Variants in DOCK5 observed in about 807,000 individuals in gnomAD.
DOCK5 encodes the protein dedicator of cytokinesis 5.
DOCK5 carries 142 observed loss-of-function variants against 251.8 expected under a neutral mutation model. The observed-to-expected ratio is 0.56, with a 90% confidence interval of 0.49 to 0.65. The LOEUF (loss-of-function observed/expected upper bound fraction) is 0.65. Ranked by LOEUF, DOCK5 falls within the 30% of genes least tolerant of loss-of-function variation. The pLI is 0.00. For synonymous variants in DOCK5, 842 were observed against 835.5 expected (o/e 1.01, Z -0.13); for missense variants, 2,111 against 2,312.3 (o/e 0.91, Z 1.79).
chr8:25,407,053 CAATT>C (rs201779764), intron 48 of DOCK5, among the ~76,000 whole-genome samples: 2,793 of 152,198 alleles, frequency 0.018, 39 homozygotes, highest in Non-Finnish European at 0.029. Context: ...TCTTTCTAAA[CAATT>C]AACCATAAAA....
chr8:25,208,696 A>G (rs1218804544), intron 1 of DOCK5, among the ~76,000 whole-genome samples: 4 of 152,196 alleles, frequency 2.6e-5, no homozygotes. Context: ...GCACAGGGGA[A>G]CCGAAAAATT....
At chr8:25,330,139 G>A (rs951680190) in intron 18 of DOCK5, among the ~76,000 whole-genome samples, 1 of 152,224 alleles carries the variant, frequency 6.6e-6, no homozygotes, top group Non-Finnish European at 1.5e-5. Flanking sequence ...GATGGAATGA[G>A]TGATACCTTC....
chr8:25,285,623 G>A (rs1299471156), intron 5 of DOCK5, among the ~76,000 whole-genome samples: 1 of 152,134 alleles, frequency 6.6e-6, no homozygotes, highest in African/African-American at 2.4e-5. Context: ...ATACTGAATG[G>A]CCCTTTCTTC....
In DOCK5 at chr8:25,304,296, G is replaced by A. The variant is rs776762641; in HGVS notation, c.1018G>A (p.Glu340Lys). The A allele has an allele frequency of 2.5e-6, 4 of 1,610,954 alleles. No individual in the cohort carries two copies. In the Admixed American group the frequency reaches 6.7e-5, roughly 27 times the overall value. ...TDIIHGKVDD[E>K]EKQHFIPFQQ... The stretch of plus-strand genomic sequence containing the variant: ...TATCATACATGGGAAGGTGGATGAT[G>A]AAGAAAAGCAGCATTTTATTCCCTT... Residue 340 changes from glutamate to lysine, a missense_variant, in exon 11 of 52, where the codon GAA becomes AAA. Transcript: ENST00000276440.
chr8:25,252,281 G>A (rs1803292812), intron 2 of DOCK5, among the ~76,000 whole-genome samples: 1 of 152,130 alleles, frequency 6.6e-6, no homozygotes, highest in African/African-American at 2.4e-5. Context: ...ATTCAAAATT[G>A]CTGTTAAAAA....
chr8:25,305,940 T>A (rs1804910593), intron 11 of DOCK5, among the ~76,000 whole-genome samples: 1 of 152,010 alleles, frequency 6.6e-6, no homozygotes, highest in Admixed American at 6.6e-5. Context: ...ATACAAAAAA[T>A]ATGTATTATA....
At chr8:25,222,025 G>A (rs1243123926) in intron 1 of DOCK5, among the ~76,000 whole-genome samples, 1 of 152,168 alleles carries the variant, frequency 6.6e-6, no homozygotes. Flanking sequence ...CCTGCTGTCA[G>A]CCCTGCGAGT....
intron 25 of DOCK5, among the ~76,000 whole-genome samples, 184 bp downstream of exon 25, chr8:25,342,691 G>GTTTTTTTTTTTTTTTTTTTTTTTTTTTTT (rs1201632677): frequency 8.3e-5 from 6 of 72,070 alleles, no homozygotes; most frequent in East Asian, 5.0e-4. Flanking sequence ...GTTTTTTCTT[G>GTTTTTTTTTTTTTTTTTTTTTTTTTTTTT]TTTTTTTTTT....
intron 2 of DOCK5, among the ~76,000 whole-genome samples, chr8:25,266,994 A>G (rs1388033323): frequency 6.6e-6 from 1 of 152,236 alleles, no homozygotes; most frequent in African/African-American, 2.4e-5. Context: ...TAGGGCACAG[A>G]ACGATGAAAA....
chr8:25,269,452 T>G (rs1230944939), intron 3 of DOCK5, among the ~76,000 whole-genome samples: 1 of 152,190 alleles, frequency 6.6e-6, no homozygotes, highest in Admixed American at 6.5e-5. Context: ...TCACGAAACT[T>G]TTATTTTAGG....
intron 35 of DOCK5, 73 bp from the exon 36 acceptor site, chr8:25,373,545 G>A (rs1800911808): frequency 2.2e-6 from 3 of 1,392,038 alleles, no homozygotes; most frequent in Non-Finnish European, 3.0e-6. Context: ...AGCAACAATA[G>A]TGGTTTGTCT....
intron 1 of DOCK5, among the ~76,000 whole-genome samples, chr8:25,223,538 C>T (rs1450468642): frequency 1.7e-4 from 26 of 152,348 alleles, no homozygotes; most frequent in Non-Finnish European, 1.2e-4. Flanking sequence ...TGGTCTCCAA[C>T]TCCTGTCCTC....
At chr8:25,274,379 A>AACAG (rs1321813833) in intron 3 of DOCK5, among the ~76,000 whole-genome samples, 2 of 152,240 alleles carry the variant, frequency 1.3e-5, no homozygotes, top group African/African-American at 2.4e-5. Context: ...GATACCATGA[A>AACAG]ACAGATCAGC....
intron 1 of DOCK5, among the ~76,000 whole-genome samples, chr8:25,194,635 G>A (rs11986821): frequency 0.74 from 112,439 of 151,948 alleles, 42,653 homozygotes; most frequent in Non-Finnish European, 0.81. Context: ...TGTGCTTCGG[G>A]ATCACATACA....
chr8:25,304,318 C>T lies in DOCK5; in HGVS notation c.1040C>T (p.Pro347Leu), dbSNP rs1804844243. 6.2e-7 allele frequency: 1 copy of T among 1,607,930 alleles called. No individual in the cohort carries two copies. Among genetic ancestry groups the T allele is most frequent in the African/African-American group, 1.3e-5 (1 of 74,748 alleles). Residue 347 changes from proline (P) to leucine (L), a missense_variant, in exon 11 of 52, where the codon CCC becomes CTC. By Grantham distance (98) the Pro-to-Leu change is moderately conservative. Coordinates refer to ENST00000276440, the MANE Select transcript of DOCK5 (RefSeq NM_024940.8). The stretch of plus-strand genomic sequence containing the variant: ...GATGAAGAAAAGCAGCATTTTATTC[C>T]CTTTCAGCAGTAAGTACTTTGGCAT... ...VDDEEKQHFI[P>L]FQQIAMETYI...
intron 17 of DOCK5, among the ~76,000 whole-genome samples, chr8:25,324,344 C>A (rs536159926): frequency 2.4e-4 from 37 of 152,308 alleles, no homozygotes; most frequent in Non-Finnish European, 1.5e-4. Flanking sequence ...GTTTTCCCAT[C>A]ACCATGAGCC....
At position 25,278,611 on chromosome 8, in the gene DOCK5, G is replaced by C; in HGVS notation, c.267G>C (p.Gln89His). The change falls in exon 5 of 52, where the codon CAG (glutamine) becomes CAC (histidine). Residue 89 changes from glutamine to histidine, a missense_variant. Gln to His is a conservative substitution (Grantham distance 24). This residue lies in a region of DOCK5 where 335 missense variants were observed against 324.9 expected (regional missense o/e 1.03). Coordinates refer to ENST00000276440, the MANE Select transcript of DOCK5 (RefSeq NM_024940.8). ...TVIPGELPLV[Q>H]ELTSTLREWA... ...TTCCTGGCGAGCTCCCCCTGGTGCA[G>C]GAGCTCACGTCCACTCTGCGAGAAT... is the stretch of plus-strand genomic sequence containing the variant. The C allele has an allele frequency of 1.2e-6, 2 of 1,613,986 alleles. No individual in the cohort carries two copies. The highest frequency in any genetic ancestry group is 1.7e-6 in the Non-Finnish European group (2 of 1,179,884).
At chr8:25,189,254 T>C (rs1484157170) in intron 1 of DOCK5, among the ~76,000 whole-genome samples, 2 of 152,078 alleles carry the variant, frequency 1.3e-5, no homozygotes, top group Non-Finnish European at 1.5e-5. Context: ...GATGGAGTCT[T>C]TCTATATTGT....
chr8:25,348,323 C>T (rs1485147103), intron 26 of DOCK5, among the ~76,000 whole-genome samples: 3 of 152,158 alleles, frequency 2.0e-5, no homozygotes, highest in South Asian at 2.1e-4. Flanking sequence ...CTGGTGTGGT[C>T]CTGCCAAATT....
Sources: gnomAD v4.1 joint callset for allele counts (sites outside exome capture counted in the v4.1 genomes callset) on GRCh38, gnomAD v4.1.1 for gene constraint, gnomAD v4.1.1 regional missense constraint, MANE v1.5 for transcripts, NCBI Gene and HGNC (gene_info 2026-07-23, HGNC 2026-07-21) for gene names.